Variants in SLC25A21 observed in about 807,000 individuals in gnomAD.
The protein encoded by SLC25A21 is mitochondrial 2-oxodicarboxylate carrier.
Under a neutral mutation model 43.8 loss-of-function variants are expected in SLC25A21, and 47 were observed. The observed-to-expected ratio is 1.07, with a 90% CI of 0.85 to 1.37. The LOEUF (loss-of-function observed/expected upper bound fraction) is 1.37, where lower values mean the gene tolerates loss of function less well. Among genes scored for constraint, SLC25A21 ranks in the 40% most tolerant of loss-of-function variants. The probability of loss-of-function intolerance (pLI) is 0.00; values close to 1 mark genes in which losing one functional copy is unlikely to be tolerated. For synonymous variants in SLC25A21, 131 were observed against 121.3 expected (o/e 1.08, Z -0.52); for missense variants, 352 against 350.2 (o/e 1.00, Z -0.04).
intron 3 of SLC25A21, among the ~76,000 whole-genome samples, chr14:36,808,316 A>G (rs1888116048): frequency 6.6e-6 from 1 of 152,194 alleles, no homozygotes; most frequent in South Asian, 2.1e-4. Flanking sequence ...TCAGAAATAC[A>G]GAGCTAATTA....
chr14:37,066,009 C>T (rs926190200), intron 1 of SLC25A21, among the ~76,000 whole-genome samples: 3 of 151,984 alleles, frequency 2.0e-5, no homozygotes, highest in Non-Finnish European at 2.9e-5. Flanking sequence ...GTATAAGGAG[C>T]GGGATATTCG....
chr14:37,074,718 A>G (rs1227883791), intron 1 of SLC25A21, among the ~76,000 whole-genome samples: 1 of 152,140 alleles, frequency 6.6e-6, no homozygotes, highest in African/African-American at 2.4e-5. Flanking sequence ...CTGTAATCCC[A>G]GCTACTCGAG....
intron 2 of SLC25A21, among the ~76,000 whole-genome samples, chr14:36,864,224 G>A (rs1890149599): frequency 6.6e-6 from 1 of 152,182 alleles, no homozygotes; most frequent in Non-Finnish European, 1.5e-5. Context: ...TGAACTCATA[G>A]GCAATGATGA....
At chr14:37,169,033 C>A (rs1964077095) in intron 1 of SLC25A21, among the ~76,000 whole-genome samples, 1 of 152,112 alleles carries the variant, frequency 6.6e-6, no homozygotes, top group Non-Finnish European at 1.5e-5. Context: ...ACCTTACCCC[C>A]ATGTAGGTTA....
At chr14:36,934,536 C>T (rs1175876350) in intron 1 of SLC25A21, among the ~76,000 whole-genome samples, 1 of 150,888 alleles carries the variant, frequency 6.6e-6, no homozygotes, top group Non-Finnish European at 1.5e-5. Flanking sequence ...AGCTATAAAT[C>T]ACCAGCCACC....
intron 7 of SLC25A21, among the ~76,000 whole-genome samples, chr14:36,706,395 A>G (rs940758810): frequency 3.9e-5 from 6 of 152,224 alleles, no homozygotes; most frequent in Non-Finnish European, 7.3e-5. Context: ...GATGGGCTCA[A>G]GGTCATTCCA....
At chr14:36,882,964 C>T (rs1056739160) in intron 1 of SLC25A21, among the ~76,000 whole-genome samples, 3 of 152,036 alleles carry the variant, frequency 2.0e-5, no homozygotes, top group African/African-American at 7.2e-5. Context: ...TCTACCATCC[C>T]TCATGACCTC....
chr14:36,837,877 C>T (rs1889262095), intron 2 of SLC25A21, among the ~76,000 whole-genome samples: 1 of 152,186 alleles, frequency 6.6e-6, no homozygotes, highest in South Asian at 2.1e-4. Flanking sequence ...TCCTGTGATC[C>T]AGTGTCCATT....
intron 1 of SLC25A21, among the ~76,000 whole-genome samples, chr14:37,038,127 T>C (rs1178235577): frequency 1.3e-5 from 2 of 152,174 alleles, no homozygotes; most frequent in Non-Finnish European, 1.5e-5. Flanking sequence ...ACCACCTTAC[T>C]GAACTGAAGT....
chr14:37,078,093 C>G (rs1962316928), intron 1 of SLC25A21, among the ~76,000 whole-genome samples: 1 of 152,140 alleles, frequency 6.6e-6, no homozygotes. Flanking sequence ...GCTCGTCATT[C>G]AAACACAATT....
At chr14:36,943,264 C>T (rs1234029948) in intron 1 of SLC25A21, among the ~76,000 whole-genome samples, 1 of 152,146 alleles carries the variant, frequency 6.6e-6, no homozygotes, top group Admixed American at 6.5e-5. Context: ...AATCTCAACT[C>T]ACTGCAGCTC....
chr14:36,778,996 C>A (rs541724816), intron 3 of SLC25A21, among the ~76,000 whole-genome samples: 1 of 151,990 alleles, frequency 6.6e-6, no homozygotes, highest in South Asian at 2.1e-4. Context: ...CTAATCCCTG[C>A]TAGTCACTAT....
intron 1 of SLC25A21, among the ~76,000 whole-genome samples, chr14:37,088,087 T>C (rs1220663169): frequency 6.6e-6 from 1 of 152,190 alleles, no homozygotes; most frequent in African/African-American, 2.4e-5. Context: ...TATCATAAAA[T>C]TAAAAATAAA....
At chr14:36,814,143 C>T in intron 2 of SLC25A21, 142 bp from the exon 3 acceptor site, 1 of 540,454 alleles carries the variant, frequency 1.9e-6, no homozygotes, top group East Asian at 3.2e-5. Flanking sequence ...ATTTATTAGC[C>T]TTATATAATC....
At chr14:36,904,159 G>A (rs144927779) in intron 1 of SLC25A21, among the ~76,000 whole-genome samples, 5 of 152,284 alleles carry the variant, frequency 3.3e-5, no homozygotes, top group Admixed American at 1.3e-4. Flanking sequence ...TGCGATTGAG[G>A]GGGACGCTAT....
chr14:36,908,276 G>C (rs754980765), intron 1 of SLC25A21, among the ~76,000 whole-genome samples: 2 of 152,076 alleles, frequency 1.3e-5, no homozygotes, highest in Non-Finnish European at 2.9e-5. Context: ...GTACTACTCC[G>C]GTATGGAATA....
intron 1 of SLC25A21, among the ~76,000 whole-genome samples, chr14:37,131,803 A>G (rs1370326025): frequency 5.9e-5 from 9 of 152,270 alleles, no homozygotes. Flanking sequence ...ACTCCTGAGT[A>G]GCTGGGACCA....
intron 1 of SLC25A21, among the ~76,000 whole-genome samples, chr14:37,141,748 T>C (rs1310215281): frequency 6.6e-6 from 1 of 152,256 alleles, no homozygotes; most frequent in African/African-American, 2.4e-5. Context: ...AGGTACTATA[T>C]GTCACTTTTT....
chr14:37,024,006 T>C (rs992671717), intron 1 of SLC25A21, among the ~76,000 whole-genome samples: 12 of 152,068 alleles, frequency 7.9e-5, no homozygotes, highest in Non-Finnish European at 1.0e-4. Context: ...ACTGACAAAT[T>C]GTAATTCAGG....
Sources: allele counts gnomAD v4.1 joint callset (sites outside exome capture counted in the v4.1 genomes callset), GRCh38; gene constraint gnomAD v4.1.1; transcripts MANE v1.5; gene names NCBI Gene and HGNC (gene_info 2026-07-23, HGNC 2026-07-21).